Variants in ANKS1B observed in about 807,000 individuals in gnomAD.
The protein encoded by ANKS1B is ankyrin repeat and sterile alpha motif domain containing 1B.
In ANKS1B, 36 loss-of-function variants were observed where a neutral mutation model predicts 148.3. The ratio of observed to expected loss-of-function variants is 0.24; its 90% CI spans 0.19 to 0.32. The LOEUF is 0.32. ANKS1B is among the 10% of genes least tolerant of loss of function. ANKS1B has a pLI of 1.00. For missense variants in ANKS1B, 1,157 were observed against 1,542.6 expected (o/e 0.75, Z 4.19); for synonymous variants, 542 against 560.8 (o/e 0.97, Z 0.47).
intron 14 of ANKS1B, among the ~76,000 whole-genome samples, chr12:99,209,364 TTAGAAGAAA>T (rs2083063191): frequency 6.6e-6 from 1 of 152,158 alleles, no homozygotes; most frequent in African/African-American, 2.4e-5. Flanking sequence ...AAAAATTGCT[TTAGAAGAAA>T]AACTGTAGTA....
intron 1 of ANKS1B, among the ~76,000 whole-genome samples, chr12:99,839,224 ATAAG>A (rs1480062644): frequency 6.6e-6 from 1 of 152,176 alleles, no homozygotes; most frequent in African/African-American, 2.4e-5. Flanking sequence ...ATAAAAAATA[ATAAG>A]TATAGTCAAA....
intron 9 of ANKS1B, among the ~76,000 whole-genome samples, chr12:99,525,737 T>C (rs2153074172): frequency 6.6e-6 from 1 of 152,282 alleles, no homozygotes; most frequent in East Asian, 1.9e-4. Flanking sequence ...TTAGCAAATA[T>C]ATTTGTTATA....
At chr12:99,591,755 T>C (rs1237302601) in intron 9 of ANKS1B, among the ~76,000 whole-genome samples, 8 of 152,174 alleles carry the variant, frequency 5.3e-5, no homozygotes, top group Admixed American at 6.6e-5. Flanking sequence ...ACAAGTTTGA[T>C]AGGGGCTCTC....
At chr12:98,748,058 TAAC>T (rs1015028333) in intron 26 of ANKS1B, among the ~76,000 whole-genome samples, 1 of 152,196 alleles carries the variant, frequency 6.6e-6, no homozygotes, top group African/African-American at 2.4e-5. Flanking sequence ...TGACTGTAGT[TAAC>T]AACAATTTAT....
intron 9 of ANKS1B, among the ~76,000 whole-genome samples, chr12:99,533,799 A>T (rs990006744): frequency 6.6e-6 from 1 of 152,228 alleles, no homozygotes; most frequent in African/African-American, 2.4e-5. Flanking sequence ...TGCTTCACAG[A>T]AATCCATACA....
chr12:98,956,560 C>G (rs776514207), intron 17 of ANKS1B, among the ~76,000 whole-genome samples: 1 of 151,932 alleles, frequency 6.6e-6, no homozygotes, highest in South Asian at 2.1e-4. Context: ...CCATCCCCCC[C>G]GTCACTCCTA....
At chr12:99,316,228 T>A (rs1249467083) in intron 12 of ANKS1B, among the ~76,000 whole-genome samples, 1 of 152,220 alleles carries the variant, frequency 6.6e-6, no homozygotes, top group Admixed American at 6.5e-5. Flanking sequence ...TAGTTCTAGA[T>A]CCTTGAGGAA....
At chr12:99,055,622 G>GC (rs948704731) in intron 16 of ANKS1B, among the ~76,000 whole-genome samples, 4 of 151,820 alleles carry the variant, frequency 2.6e-5, no homozygotes, top group African/African-American at 9.7e-5. Flanking sequence ...TAAGTACAAA[G>GC]ATGTTTGCTT....
At chr12:99,659,573 G>C (rs1567584723) in intron 8 of ANKS1B, among the ~76,000 whole-genome samples, 1 of 152,096 alleles carries the variant, frequency 6.6e-6, no homozygotes, top group Non-Finnish European at 1.5e-5. Context: ...AAACACTTTT[G>C]AGAATAATTA....
chr12:98,884,176 G>C (rs376725604), intron 17 of ANKS1B, among the ~76,000 whole-genome samples: 24 of 152,212 alleles, frequency 1.6e-4, no homozygotes, highest in African/African-American at 5.3e-4. Flanking sequence ...TATCCCAAAG[G>C]AAACACTTTA....
chr12:98,916,597 T>C (rs1227667222), intron 17 of ANKS1B, among the ~76,000 whole-genome samples: 2 of 152,254 alleles, frequency 1.3e-5, no homozygotes, highest in African/African-American at 2.4e-5. Context: ...GGGAAACTGA[T>C]GAGAGCCATC....
At chr12:99,374,972 G>T (rs1181817955) in intron 12 of ANKS1B, among the ~76,000 whole-genome samples, 2 of 152,168 alleles carry the variant, frequency 1.3e-5, no homozygotes, top group Non-Finnish European at 2.9e-5. Context: ...CTGTTGTAAA[G>T]TAATAATGAC....
At chr12:99,206,701 G>T (rs745582293) in intron 14 of ANKS1B, among the ~76,000 whole-genome samples, 2 of 152,126 alleles carry the variant, frequency 1.3e-5, no homozygotes, top group Admixed American at 6.5e-5. Flanking sequence ...CAGGCACAGA[G>T]AATGTTTTCT....
chr12:98,991,282 T>C (rs1043404480), intron 17 of ANKS1B, among the ~76,000 whole-genome samples: 10 of 152,214 alleles, frequency 6.6e-5, no homozygotes, highest in African/African-American at 2.2e-4. Context: ...GGTATACATT[T>C]AAAATGCTAG....
chr12:99,464,117 C>T (rs1332564612), intron 10 of ANKS1B, among the ~76,000 whole-genome samples: 1 of 152,174 alleles, frequency 6.6e-6, no homozygotes, highest in African/African-American at 2.4e-5. Context: ...GATCAGACAG[C>T]AGCATTCGCG....
chr12:99,273,485 C>T (rs548617132), intron 12 of ANKS1B, among the ~76,000 whole-genome samples: 127 of 151,892 alleles, frequency 8.4e-4, no homozygotes, highest in Non-Finnish European at 1.4e-3. Context: ...GTCCAACCCA[C>T]GGCCCATGGG....
chr12:99,135,930 A>G (rs2067890810), intron 15 of ANKS1B, among the ~76,000 whole-genome samples: 1 of 152,172 alleles, frequency 6.6e-6, no homozygotes, highest in African/African-American at 2.4e-5. Flanking sequence ...AGTCTCAGAG[A>G]ACAGCCCAGC....
chr12:99,979,792 C>A lies in ANKS1B; in HGVS notation c.134+4312G>T, dbSNP rs12297334. On this transcript the variant is annotated intron_variant, in intron 1 of 26. Transcript: ENST00000683438. The stretch of plus-strand genomic sequence containing the variant: ...ATACCTCACAATATTCTCACAGGAA[C>A]AATGGAGAGAAATAGCTGATTGTCA... Among the ~76,000 whole-genome samples, 415 of 152,114 alleles carry A rather than the reference C, an allele frequency of 2.7e-3. 1 individual carries two copies. The highest frequency in any genetic ancestry group is 9.7e-3 in the African/African-American group (401 of 41,554).
intron 10 of ANKS1B, among the ~76,000 whole-genome samples, chr12:99,452,028 A>G (rs1286954258): frequency 2.0e-5 from 3 of 152,158 alleles, no homozygotes; most frequent in African/African-American, 4.8e-5. Flanking sequence ...TTCATGAAGC[A>G]CAATTTTTAC....
Sources: allele counts gnomAD v4.1 joint callset (sites outside exome capture counted in the v4.1 genomes callset), GRCh38; gene constraint gnomAD v4.1.1; transcripts MANE v1.5; gene names NCBI Gene and HGNC (gene_info 2026-07-23, HGNC 2026-07-21).